ESRRG: variants seen among roughly 807,000 people sequenced by gnomAD.
ESRRG encodes the protein estrogen related receptor gamma, also known as estrogen-related receptor gamma.
ESRRG carries 13 observed loss-of-function variants against 44.0 expected under a neutral mutation model. The observed-to-expected ratio is 0.30, with a 90% CI of 0.19 to 0.47. ESRRG has a LOEUF of 0.47. ESRRG is among the 20% of genes least tolerant of loss of function. The pLI, the probability that ESRRG is intolerant of heterozygous loss-of-function variation, is 1.00. For missense variants in ESRRG, 395 were observed against 580.6 expected (o/e 0.68, Z 3.29); for synonymous variants, 215 against 214.6 (o/e 1.00, Z -0.02).
chr1:216,991,862 C>A, intron 1 of ESRRG, among the ~76,000 whole-genome samples: 1 of 152,108 alleles, frequency 6.6e-6, no homozygotes, highest in East Asian at 1.9e-4. Context: ...AATTTCCAGG[C>A]GTGTTTTATT....
intron 2 of ESRRG, among the ~76,000 whole-genome samples, chr1:216,801,107 A>G (rs953213831): frequency 1.3e-5 from 2 of 152,188 alleles, no homozygotes; most frequent in African/African-American, 2.4e-5. Flanking sequence ...TTTTTTATTG[A>G]TTGCAAGAGC....
At chr1:217,018,572 T>C (rs1658103851) in intron 1 of ESRRG, among the ~76,000 whole-genome samples, 1 of 152,140 alleles carries the variant, frequency 6.6e-6, no homozygotes, top group South Asian at 2.1e-4. Context: ...ACAAAGCCCA[T>C]ATTTCAGTCC....
At chr1:217,050,603 G>A (rs1260032727) in intron 1 of ESRRG, among the ~76,000 whole-genome samples, 1 of 152,144 alleles carries the variant, frequency 6.6e-6, no homozygotes, top group African/African-American at 2.4e-5. Context: ...AATACTCTCA[G>A]AATGATGTTA....
At chr1:216,825,281 C>G (rs1029070086) in intron 2 of ESRRG, among the ~76,000 whole-genome samples, 1 of 152,144 alleles carries the variant, frequency 6.6e-6, no homozygotes, top group South Asian at 2.1e-4. Flanking sequence ...TTGGCCTAAG[C>G]CTCAGAAGAA....
chr1:217,080,039 T>C (rs2091622271), intron 1 of ESRRG, among the ~76,000 whole-genome samples: 1 of 152,174 alleles, frequency 6.6e-6, no homozygotes, highest in African/African-American at 2.4e-5. Context: ...TAAACATCAA[T>C]CCAAGCTTTC....
Position 216,940,275 on chromosome 1 carries a change from G to C in ESRRG, c.-105-602C>G, listed in dbSNP as rs17044376. 6.9e-3 allele frequency among the ~76,000 whole-genome samples: 1,050 copies of C among 152,302 alleles called. 19 individuals are homozygous for C. Among genetic ancestry groups the C allele is most frequent in the African/African-American group, 0.024 (980 of 41,562 alleles). Reference sequence around the variant, plus strand: ...TACACTAATGATGTTTTAGGGAGATGTCTGTCAAAGGAAGCTACTGGGTTG... The same window carrying C: ...TACACTAATGATGTTTTAGGGAGATCTCTGTCAAAGGAAGCTACTGGGTTG... On this transcript the variant is annotated intron_variant, in intron 1 of 7. Coordinates refer to the ESRRG transcript ENST00000359162.
intron 1 of ESRRG, among the ~76,000 whole-genome samples, chr1:217,119,422 T>C (rs1378509305): frequency 6.6e-6 from 1 of 152,216 alleles, no homozygotes; most frequent in Non-Finnish European, 1.5e-5. Context: ...CAATGGACCA[T>C]GTAAATCTGA....
chr1:216,963,571 T>C (rs1222012467), intron 1 of ESRRG, among the ~76,000 whole-genome samples: 2 of 152,202 alleles, frequency 1.3e-5, no homozygotes, highest in Non-Finnish European at 2.9e-5. Flanking sequence ...AAGACTTGTC[T>C]ATCCTCCTCT....
intron 1 of ESRRG, among the ~76,000 whole-genome samples, chr1:216,679,434 A>T (rs549612664): frequency 1.5e-4 from 23 of 152,102 alleles, no homozygotes; most frequent in African/African-American, 5.5e-4. Flanking sequence ...TTACACCACC[A>T]CTTCACTTAT....
intron 3 of ESRRG, among the ~76,000 whole-genome samples, chr1:216,616,101 T>G (rs6673588): frequency 0.42 from 64,522 of 151,932 alleles, 14,826 homozygotes; most frequent in African/African-American, 0.6. Flanking sequence ...AGGCTCCAGG[T>G]CCTAAGCCCA....
intron 3 of ESRRG, among the ~76,000 whole-genome samples, chr1:216,569,932 T>C (rs753821998): frequency 4.4e-4 from 67 of 152,294 alleles, no homozygotes; most frequent in Non-Finnish European, 9.0e-4. Context: ...CTCCAGTTTT[T>C]TTGGAATACC....
chr1:216,881,339 A>G (rs887715821), intron 2 of ESRRG, among the ~76,000 whole-genome samples: 1 of 152,210 alleles, frequency 6.6e-6, no homozygotes, highest in Admixed American at 6.5e-5. Context: ...GAAGAAATTA[A>G]CTATAGTTAG....
At chr1:216,743,282 A>G (rs979426672) in intron 2 of ESRRG, among the ~76,000 whole-genome samples, 1 of 152,196 alleles carries the variant, frequency 6.6e-6, no homozygotes, top group Non-Finnish European at 1.5e-5. Flanking sequence ...GGCACAGGCT[A>G]TTCATTTGCT....
intron 1 of ESRRG, among the ~76,000 whole-genome samples, chr1:217,004,654 C>T (rs2077489368): frequency 6.6e-6 from 1 of 152,128 alleles, no homozygotes; most frequent in Non-Finnish European, 1.5e-5. Context: ...AAGCCATGGG[C>T]ATATAATCTA....
upstream of ESRRG, among the ~76,000 whole-genome samples, chr1:217,094,346 G>A (rs2151555735): frequency 6.6e-6 from 1 of 152,336 alleles, no homozygotes; most frequent in South Asian, 2.1e-4. Context: ...TTGCCTTGAT[G>A]TCTTCAACTC....
chr1:216,533,755 C>T (rs1188168698), intron 5 of ESRRG, among the ~76,000 whole-genome samples: 1 of 152,088 alleles, frequency 6.6e-6, no homozygotes, highest in African/African-American at 2.4e-5. Flanking sequence ...TCCTAAGCAT[C>T]CCTAATGCTT....
At chr1:216,661,708 C>T (rs2072479413) in intron 2 of ESRRG, among the ~76,000 whole-genome samples, 1 of 151,090 alleles carries the variant, frequency 6.6e-6, no homozygotes, top group Admixed American at 6.7e-5. Context: ...TACTTCTGTT[C>T]TTGGATGCTA....
intron 2 of ESRRG, among the ~76,000 whole-genome samples, chr1:216,752,155 G>T (rs1260322903): frequency 6.6e-6 from 1 of 152,026 alleles, no homozygotes; most frequent in African/African-American, 2.4e-5. Context: ...TTAACAGATT[G>T]GGAAACTGAG....
intron 2 of ESRRG, among the ~76,000 whole-genome samples, chr1:216,886,290 C>A (rs1391722904): frequency 6.6e-6 from 1 of 152,120 alleles, no homozygotes; most frequent in East Asian, 1.9e-4. Flanking sequence ...TCTCCGTATA[C>A]CTAACTGACC....
Sources: allele counts gnomAD v4.1 joint callset (sites outside exome capture counted in the v4.1 genomes callset), GRCh38; gene constraint gnomAD v4.1.1; transcripts MANE v1.5; gene names NCBI Gene and HGNC (gene_info 2026-07-23, HGNC 2026-07-21).